The following GRM8 variants were observed in gnomAD, a reference collection of about 807,000 sequenced individuals.
The protein encoded by GRM8 is metabotropic glutamate receptor 8.
A neutral mutation model predicts 87.2 loss-of-function variants in GRM8; 47 were observed. The ratio of observed to expected loss-of-function variants is 0.54; its 90% CI spans 0.43 to 0.69. GRM8 has a LOEUF of 0.69. Among genes scored for constraint, GRM8 ranks in the 30% least tolerant of loss-of-function variants. The probability of loss-of-function intolerance (pLI) is 0.00; values close to 1 mark genes in which losing one functional copy is unlikely to be tolerated. For missense variants in GRM8, 1,019 were observed against 1,139.2 expected (o/e 0.89, Z 1.52); for synonymous variants, 396 against 404.5 (o/e 0.98, Z 0.25).
At chr7:127,139,757 A>G (rs538241250) in intron 2 of GRM8, among the ~76,000 whole-genome samples, 55 of 152,288 alleles carry the variant, frequency 3.6e-4, no homozygotes, top group Non-Finnish European at 5.3e-4. Context: ...ATTCATGGAA[A>G]AAAAGAAATA....
rs754056180 is a variant in GRM8, at chr7:126,533,405, C to T, written c.1977G>A (p.Met659Ile). The T allele has an allele frequency of 1.9e-5, 30 of 1,613,976 alleles. No individual in the cohort carries two copies. Among genetic ancestry groups the T allele is most frequent in the Non-Finnish European group, 2.5e-5 (29 of 1,179,980 alleles). Reference sequence around the variant, plus strand: ...TCAGAAGGGCTGCATAGCTGAAACACATGCCAAGTCCTAGGAAGACCCGTC... The same window carrying T: ...TCAGAAGGGCTGCATAGCTGAAACATATGCCAAGTCCTAGGAAGACCCGTC... Reference protein sequence around the residue: ...SFRRVFLGLGMCFSYAALLTK... With the variant: ...SFRRVFLGLGICFSYAALLTK... Residue 659 changes from methionine to isoleucine, a missense_variant, in exon 9 of 11, where the codon ATG becomes ATA. Physicochemically the swap from Met to Ile is conservative, Grantham distance 10. Transcript: ENST00000339582.
At chr7:126,655,489 C>T (rs77782561) in intron 7 of GRM8, among the ~76,000 whole-genome samples, 2,480 of 151,988 alleles carry the variant, frequency 0.016, 82 homozygotes, top group African/African-American at 0.056. Context: ...CTCTCTCTCT[C>T]TCTGTTGCTG....
At chr7:126,860,331 A>G (rs1320076028) in intron 6 of GRM8, among the ~76,000 whole-genome samples, 3 of 152,046 alleles carry the variant, frequency 2.0e-5, no homozygotes, top group Non-Finnish European at 4.4e-5. Context: ...CTTCCTTCCT[A>G]TTCCTTAATC....
intron 7 of GRM8, among the ~76,000 whole-genome samples, chr7:126,732,749 G>A (rs930788119): frequency 6.6e-6 from 1 of 152,020 alleles, no homozygotes; most frequent in Non-Finnish European, 1.5e-5. Context: ...ATTTTTTCAA[G>A]TGTAGAATAC....
rs80190786 is a variant in GRM8 at position 126,839,615 on chromosome 7, A to G, written c.1156+62927T>C. On this transcript the variant is annotated intron_variant, in intron 6 of 10. Coordinates refer to ENST00000339582, the MANE Select transcript of GRM8 (RefSeq NM_000845.3). ...GAGACGAGAAAACGATGACCTGGGA[A>G]TAACAGAGGAAGGAGATACCTGGTA... is the stretch of plus-strand genomic sequence containing the variant. 5.0e-3 allele frequency among the ~76,000 whole-genome samples: 769 copies of G among 152,302 alleles called. 21 individuals carry two copies. The East Asian group carries it at 0.067, about 13-fold the overall frequency.
At chr7:126,523,969 A>G (rs1352925896) in intron 9 of GRM8, among the ~76,000 whole-genome samples, 2 of 152,170 alleles carry the variant, frequency 1.3e-5, no homozygotes, top group African/African-American at 4.8e-5. Context: ...CTAACAACGT[A>G]ATATCAATTC....
chr7:126,741,891 T>C (rs1329867613), intron 7 of GRM8, among the ~76,000 whole-genome samples: 1 of 151,942 alleles, frequency 6.6e-6, no homozygotes, highest in Non-Finnish European at 1.5e-5. Flanking sequence ...ATCCCAAGAG[T>C]ACCACCTTCA....
At chr7:126,856,348 C>T (rs1006237413) in intron 6 of GRM8, among the ~76,000 whole-genome samples, 15 of 151,878 alleles carry the variant, frequency 9.9e-5, no homozygotes, top group African/African-American at 3.6e-4. Context: ...AAACTAACAT[C>T]GCCACATTTT....
At chr7:126,563,188 C>T (rs550425632) in intron 8 of GRM8, among the ~76,000 whole-genome samples, 8 of 152,098 alleles carry the variant, frequency 5.3e-5, no homozygotes, top group African/African-American at 9.6e-5. Flanking sequence ...TTCTACCCCT[C>T]GGTGATTTAC....
chr7:127,137,678 G>T (rs1440193460), intron 2 of GRM8, among the ~76,000 whole-genome samples: 1 of 151,670 alleles, frequency 6.6e-6, no homozygotes, highest in Non-Finnish European at 1.5e-5. Context: ...CTTTGGGTTT[G>T]TCTGGGTCCC....
chr7:126,886,252 C>T (rs192382113), intron 6 of GRM8, among the ~76,000 whole-genome samples: 1 of 152,226 alleles, frequency 6.6e-6, no homozygotes, highest in Admixed American at 6.5e-5. Flanking sequence ...ATTAAGTACA[C>T]AACTGGACAA....
chr7:127,012,681 T>C (rs1815016057), intron 3 of GRM8, among the ~76,000 whole-genome samples: 2 of 152,136 alleles, frequency 1.3e-5, no homozygotes, highest in African/African-American at 4.8e-5. Flanking sequence ...ATAGAATCAC[T>C]GGAGTTTCCT....
chr7:126,948,073 C>T (rs1411922226), intron 3 of GRM8, among the ~76,000 whole-genome samples: 1 of 152,178 alleles, frequency 6.6e-6, no homozygotes, highest in Non-Finnish European at 1.5e-5. Flanking sequence ...CTTACAGACA[C>T]TATGCTAGGC....
chr7:127,011,070 C>T (rs376447945), intron 3 of GRM8, among the ~76,000 whole-genome samples: 2 of 152,162 alleles, frequency 1.3e-5, no homozygotes, highest in Admixed American at 6.6e-5. Context: ...CACATATTAT[C>T]TCTTTTTTAA....
chr7:126,908,259 T>C (rs1802915217), intron 3 of GRM8, among the ~76,000 whole-genome samples: 2 of 152,114 alleles, frequency 1.3e-5, no homozygotes, highest in Non-Finnish European at 2.9e-5. Context: ...TATAGAACTC[T>C]GAAAAAAATC....
At chr7:126,686,836 C>T (rs1211837263) in intron 7 of GRM8, among the ~76,000 whole-genome samples, 1 of 152,194 alleles carries the variant, frequency 6.6e-6, no homozygotes, top group African/African-American at 2.4e-5. Flanking sequence ...ATAGAGGCTT[C>T]CAGCCAGAAA....
intron 9 of GRM8, among the ~76,000 whole-genome samples, chr7:126,498,090 C>T (rs1809048107): frequency 6.6e-6 from 1 of 151,842 alleles, no homozygotes; most frequent in Non-Finnish European, 1.5e-5. Flanking sequence ...ACACAAGTCT[C>T]CAAGGGTTAG....
chr7:127,078,566 C>T (rs1261836261), intron 3 of GRM8, among the ~76,000 whole-genome samples: 1 of 152,200 alleles, frequency 6.6e-6, no homozygotes, highest in Non-Finnish European at 1.5e-5. Context: ...CACGGTACAG[C>T]CTTGGTTGAA....
chr7:126,796,684 G>T (rs1821984797), intron 6 of GRM8, among the ~76,000 whole-genome samples: 1 of 152,000 alleles, frequency 6.6e-6, no homozygotes, highest in South Asian at 2.1e-4. Flanking sequence ...TTTTGGTCTA[G>T]GAGAACACTA....
Sources: gnomAD v4.1 joint callset for allele counts (sites outside exome capture counted in the v4.1 genomes callset) on GRCh38, gnomAD v4.1.1 for gene constraint, MANE v1.5 for transcripts, NCBI Gene and HGNC (gene_info 2026-07-23, HGNC 2026-07-21) for gene names.